CRISP2: variants seen among roughly 807,000 people sequenced by gnomAD.
CRISP2 encodes the protein cysteine rich secretory protein 2.
A neutral mutation model predicts 31.7 loss-of-function variants in CRISP2; 29 were observed. The ratio of observed to expected loss-of-function variants is 0.92; its 90% confidence interval spans 0.68 to 1.25. CRISP2 has a LOEUF of 1.25. Among genes scored for constraint, CRISP2 ranks in the 50% most tolerant of loss-of-function variants. CRISP2 has a pLI of 0.00. For synonymous variants in CRISP2, 111 were observed against 101.4 expected (o/e 1.09, Z -0.57); for missense variants, 318 against 286.5 (o/e 1.11, Z -0.79).
chr6:49,702,820 T>C (rs1766328351), intron 4 of CRISP2, among the ~76,000 whole-genome samples: 1 of 152,128 alleles, frequency 6.6e-6, no homozygotes. Flanking sequence ...TCCCATTTTT[T>C]ATCTTTCTTT....
downstream of CRISP2, among the ~76,000 whole-genome samples, chr6:49,689,398 C>T (rs1269101003): frequency 6.6e-6 from 1 of 151,922 alleles, no homozygotes; most frequent in African/African-American, 2.4e-5. Context: ...TATTTTAATG[C>T]TATAAAATGG....
chr6:49,682,668 TTC>T, the CRISP2 span, among the ~76,000 whole-genome samples: 2 of 141,592 alleles, frequency 1.4e-5, no homozygotes, highest in African/African-American at 2.6e-5. Flanking sequence ...TCTTTCTTTC[TTC>T]TCTCTCTTTC....
At chr6:49,705,871 C>G (rs918403913) in intron 4 of CRISP2, among the ~76,000 whole-genome samples, 2 of 152,184 alleles carry the variant, frequency 1.3e-5, no homozygotes, top group Non-Finnish European at 2.9e-5. Flanking sequence ...TTTGGGCCCT[C>G]ATAGTGTTTC....
At chr6:49,700,419 C>T (rs575948559) in intron 5 of CRISP2, among the ~76,000 whole-genome samples, 9 of 152,270 alleles carry the variant, frequency 5.9e-5, no homozygotes, top group African/African-American at 1.9e-4. Context: ...AATGGCTTAA[C>T]ACTGAATGCC....
downstream of CRISP2, among the ~76,000 whole-genome samples, chr6:49,690,256 C>A (rs945418827): frequency 6.6e-6 from 1 of 151,968 alleles, no homozygotes; most frequent in African/African-American, 2.4e-5. Flanking sequence ...GCACTGCAAG[C>A]CATAGGAATA....
chr6:49,683,189 A>AATAAATAT, the CRISP2 span, among the ~76,000 whole-genome samples: 1 of 150,102 alleles, frequency 6.7e-6, no homozygotes, highest in Non-Finnish European at 1.5e-5. Context: ...TAAATAAATA[A>AATAAATAT]ATAAATAAAT....
At chr6:49,696,815 G>C (rs1764843813) in intron 8 of CRISP2, among the ~76,000 whole-genome samples, 2 of 152,082 alleles carry the variant, frequency 1.3e-5, no homozygotes, top group Non-Finnish European at 2.9e-5. Context: ...ATATAGCTGT[G>C]TGTGTATGAG....
At chr6:49,702,992 G>A (rs1266029555) in intron 4 of CRISP2, among the ~76,000 whole-genome samples, 1 of 152,084 alleles carries the variant, frequency 6.6e-6, no homozygotes, top group Non-Finnish European at 1.5e-5. Context: ...GTTGATTTTT[G>A]TATAAGGTGA....
the CRISP2 span, among the ~76,000 whole-genome samples, chr6:49,686,143 G>A: frequency 1.3e-5 from 2 of 151,888 alleles, no homozygotes; most frequent in Admixed American, 6.6e-5. Context: ...TTTGCTCTTC[G>A]CTGTCTTTCA....
chr6:49,679,226 A>C, the CRISP2 span, among the ~76,000 whole-genome samples: 1 of 152,154 alleles, frequency 6.6e-6, no homozygotes, highest in Non-Finnish European at 1.5e-5. Flanking sequence ...TTATGCACCA[A>C]GTATTGCTCA....
the CRISP2 span, among the ~76,000 whole-genome samples, chr6:49,686,313 A>G: frequency 5.3e-5 from 8 of 152,232 alleles, no homozygotes; most frequent in Non-Finnish European, 1.2e-4. Context: ...TAACATTTTA[A>G]TAAATAATCT....
chr6:49,702,291 C>A (rs1485672520), intron 4 of CRISP2, among the ~76,000 whole-genome samples: 1 of 148,310 alleles, frequency 6.7e-6, no homozygotes, highest in Non-Finnish European at 1.5e-5. Context: ...GTCTTTTTTT[C>A]ATATAATGAC....
chr6:49,691,724 T>A (rs768451444), downstream of CRISP2, among the ~76,000 whole-genome samples: 5 of 152,052 alleles, frequency 3.3e-5, no homozygotes, highest in Non-Finnish European at 7.4e-5. Flanking sequence ...TAATTATTCT[T>A]TTAAGTATTT....
chr6:49,704,133 T>C (rs1414317824), intron 4 of CRISP2, among the ~76,000 whole-genome samples: 1 of 152,166 alleles, frequency 6.6e-6, no homozygotes. Context: ...CTTCTACTTG[T>C]TACATTTTAT....
At chr6:49,681,495 A>T in the CRISP2 span, among the ~76,000 whole-genome samples, 1 of 152,206 alleles carries the variant, frequency 6.6e-6, no homozygotes, top group African/African-American at 2.4e-5. Flanking sequence ...TGAACAAAGT[A>T]CTTAATGAAT....
the CRISP2 span, among the ~76,000 whole-genome samples, chr6:49,682,845 TC>T: frequency 2.7e-5 from 4 of 148,326 alleles, no homozygotes; most frequent in Non-Finnish European, 4.5e-5. Flanking sequence ...CCTCCCTTCC[TC>T]CCTTCTTTTC....
rs144634736 is a variant in CRISP2, at chr6:49,712,637, G to A, written c.-150-33C>T. On this transcript the variant is annotated intron_variant, in intron 1 of 9. Coordinates refer to ENST00000339139, the MANE Select transcript of CRISP2 (RefSeq NM_003296.4). ...AAGGAAACAAAATATTTAAAATAAA[G>A]ATGTGAAGAATACCCTTATAGATGG... The A allele has an allele frequency of 1.9e-3, 286 of 152,196 alleles. 2 individuals carry two copies. The highest frequency in any genetic ancestry group is 6.3e-3 in the African/African-American group (263 of 41,530). 9.4% of individuals were successfully genotyped at this position (152,196 alleles called of 1,614,324 possible).
At chr6:49,689,556 A>C (rs1763985221), downstream of CRISP2, among the ~76,000 whole-genome samples, 1 of 152,144 alleles carries the variant, frequency 6.6e-6, no homozygotes, top group South Asian at 2.1e-4. Context: ...TAATTAGTTT[A>C]ATGAGATGAC....
At chr6:49,687,324 A>G in the CRISP2 span, among the ~76,000 whole-genome samples, 3 of 152,328 alleles carry the variant, frequency 2.0e-5, no homozygotes, top group Non-Finnish European at 2.9e-5. Context: ...CATATTCAAT[A>G]AATAAATATG....
Sources: gnomAD v4.1 joint callset for allele counts (sites outside exome capture counted in the v4.1 genomes callset) on GRCh38, gnomAD v4.1.1 for gene constraint, MANE v1.5 for transcripts, NCBI Gene and HGNC (gene_info 2026-07-23, HGNC 2026-07-21) for gene names.